The following HNMT variants were observed in gnomAD, a reference collection of about 807,000 sequenced individuals.
HNMT encodes histamine N-methyltransferase.
Under a neutral mutation model 32.1 loss-of-function variants are expected in HNMT, and 30 were observed. The observed-to-expected ratio is 0.93, with a 90% CI of 0.70 to 1.27. HNMT has a LOEUF of 1.27. HNMT is among the 50% of genes most tolerant of loss of function. The pLI, the probability that HNMT is intolerant of heterozygous loss-of-function variation, is 0.00. For synonymous variants in HNMT, 125 were observed against 119.0 expected, an observed-to-expected ratio of 1.05 and a Z score of -0.33; for missense variants, 327 against 346.0, an observed-to-expected ratio of 0.95 and a Z score of 0.43.
At chr2:138,011,225 T>C (rs1681494009) in intron 5 of HNMT, among the ~76,000 whole-genome samples, 1 of 152,252 alleles carries the variant, frequency 6.6e-6, no homozygotes, top group South Asian at 2.1e-4. Context: ...ATAATAATGA[T>C]GATAACAGAG....
intron 2 of HNMT, among the ~76,000 whole-genome samples, chr2:137,995,874 C>CA (rs1171695248): frequency 1.3e-5 from 2 of 151,992 alleles, no homozygotes; most frequent in Non-Finnish European, 2.9e-5. Flanking sequence ...ATACACAAAT[C>CA]AAAAAACATA....
At position 138,005,210 on chromosome 2, in the gene HNMT, A is replaced by G. The variant is rs765317351; in HGVS notation, c.508A>G (p.Ile170Val). 40 of 1,586,824 alleles carry G rather than the reference A, an allele frequency of 2.5e-5. No individual in the cohort carries two copies. The South Asian group carries it at 4.0e-4, about 16-fold the overall frequency. ...SLLGTNAKML[I>V]IVVSGSSGWD... The stretch of plus-strand genomic sequence containing the variant: ...CTTAGGTACCAATGCTAAGATGCTC[A>G]TTATTGTTGTGTCAGGTAAGTTATT... Residue 170 changes from isoleucine to valine, a missense_variant, in exon 5 of 6, where the codon ATT (isoleucine) becomes GTT (valine). Ile to Val is a conservative substitution (Grantham distance 29, BLOSUM62 3). Transcript: ENST00000280097.
intron 2 of HNMT, among the ~76,000 whole-genome samples, chr2:137,982,286 G>A (rs764797388): frequency 1.2e-4 from 19 of 152,182 alleles, no homozygotes; most frequent in Non-Finnish European, 2.2e-4. Flanking sequence ...TGGAAAATGA[G>A]ACACTGCTTT....
At chr2:137,981,180 C>T in intron 2 of HNMT, 2 of 1,597,176 alleles carry the variant, frequency 1.3e-6, no homozygotes, top group Non-Finnish European at 1.7e-6. Context: ...GGAGATATGG[C>T]CACAGTCTTT....
At chr2:137,993,374 C>A (rs1030023371) in intron 2 of HNMT, among the ~76,000 whole-genome samples, 3 of 152,080 alleles carry the variant, frequency 2.0e-5, no homozygotes, top group Non-Finnish European at 4.4e-5. Flanking sequence ...CATGTTGGAG[C>A]TGAAAAACAC....
At chr2:137,988,900 A>G (rs906278260) in intron 2 of HNMT, among the ~76,000 whole-genome samples, 1 of 152,150 alleles carries the variant, frequency 6.6e-6, no homozygotes, top group African/African-American at 2.4e-5. Flanking sequence ...TATTTTTGTC[A>G]TTGTTGTTTT....
At chr2:137,992,683 T>G (rs979145768) in intron 2 of HNMT, among the ~76,000 whole-genome samples, 2 of 152,112 alleles carry the variant, frequency 1.3e-5, no homozygotes, top group African/African-American at 4.8e-5. Context: ...TCCCCGCAAG[T>G]GAGGCACTGT....
At chr2:137,973,748 T>G (rs1006145500) in intron 2 of HNMT, among the ~76,000 whole-genome samples, 1 of 150,552 alleles carries the variant, frequency 6.6e-6, no homozygotes, top group African/African-American at 2.4e-5. Flanking sequence ...AAACTGCTAC[T>G]TTTATACCAC....
rs940617238 is a variant in HNMT, at chr2:138,003,171, A to T, written c.429+977A>T. Among the ~76,000 whole-genome samples, 3 of 151,062 alleles carry T rather than the reference A, an allele frequency of 2.0e-5. No individual in the cohort carries two copies. The East Asian group carries it at 5.9e-4, about 30-fold the overall frequency. Reference sequence around the variant, plus strand: ...AGTGGGTGCAGCGCACCAGCATGGCACATGTATACATATGTAACTAACCTG... The same window carrying T: ...AGTGGGTGCAGCGCACCAGCATGGCTCATGTATACATATGTAACTAACCTG... On this transcript the variant is annotated intron_variant, in intron 4 of 5. Transcript: ENST00000280097.
intron 2 of HNMT, chr2:137,981,597 GC>G: frequency 1.9e-6 from 1 of 537,626 alleles, no homozygotes; most frequent in Non-Finnish European, 3.3e-6. Context: ...TTTAGTGGGT[GC>G]TCAATAATAT....
intron 2 of HNMT, among the ~76,000 whole-genome samples, chr2:137,974,852 C>T (rs1680241308): frequency 6.6e-6 from 1 of 152,150 alleles, no homozygotes; most frequent in African/African-American, 2.4e-5. Flanking sequence ...TATCAACCCT[C>T]ATAATATTTT....
intron 2 of HNMT, chr2:137,981,230 G>C (rs1222639863): frequency 6.2e-7 from 1 of 1,613,134 alleles, no homozygotes; most frequent in Non-Finnish European, 8.5e-7. Context: ...TCTCATTCGG[G>C]GAAGCTCCAG....
At chr2:137,994,696 C>A (rs1227271407) in intron 2 of HNMT, among the ~76,000 whole-genome samples, 1 of 152,196 alleles carries the variant, frequency 6.6e-6, no homozygotes, top group East Asian at 1.9e-4. Flanking sequence ...AACCTCTGTA[C>A]CCCAAATCAA....
chr2:137,976,338 A>C (rs955036571), intron 2 of HNMT, among the ~76,000 whole-genome samples: 4 of 152,118 alleles, frequency 2.6e-5, no homozygotes, highest in African/African-American at 9.7e-5. Context: ...GGGAGATAAA[A>C]AGTCATTCTA....
chr2:137,980,614 A>C (rs541778147), intron 2 of HNMT, among the ~76,000 whole-genome samples: 1 of 152,268 alleles, frequency 6.6e-6, no homozygotes, highest in South Asian at 2.1e-4. Flanking sequence ...TGTTTTGTAG[A>C]ACATTTTGGT....
At chr2:137,978,911 A>G (rs1680390144) in intron 2 of HNMT, among the ~76,000 whole-genome samples, 1 of 140,122 alleles carries the variant, frequency 7.1e-6, no homozygotes, top group Non-Finnish European at 1.5e-5. Flanking sequence ...TCCATATTAC[A>G]TAATTATAAT....
At chr2:137,967,999 C>T (rs1214414945) in intron 1 of HNMT, among the ~76,000 whole-genome samples, 1 of 152,094 alleles carries the variant, frequency 6.6e-6, no homozygotes, top group Non-Finnish European at 1.5e-5. Context: ...TTGTGTAAGT[C>T]AGGGCAGGGT....
At chr2:137,986,132 T>C (rs1325839396) in intron 2 of HNMT, among the ~76,000 whole-genome samples, 1 of 151,864 alleles carries the variant, frequency 6.6e-6, no homozygotes, top group African/African-American at 2.4e-5. Flanking sequence ...GTTTTATATA[T>C]GTTGATAAAT....
rs148179523 is a variant in HNMT, at chr2:138,016,113, C to T, written c.*1983C>T. 954 of 152,196 alleles carry T rather than the reference C, an allele frequency of 6.3e-3. 10 individuals carry two copies. Among genetic ancestry groups the T allele is most frequent in the African/African-American group, 0.021 (885 of 41,538 alleles). The allele number at this position is 152,196 out of a possible 1,614,324, so 9.4% of individuals were successfully genotyped here. Reference sequence around the variant, plus strand: ...AAAATTTGGGACAGTCACATACTAACTTTTCAGATTTGTTCTTGTGTTTCA... The same window carrying T: ...AAAATTTGGGACAGTCACATACTAATTTTTCAGATTTGTTCTTGTGTTTCA... On this transcript the variant is annotated 3_prime_UTR_variant, in exon 6 of 6. Coordinates refer to ENST00000280097, the MANE Select transcript of HNMT (RefSeq NM_006895.3).
Sources: allele counts gnomAD v4.1 joint callset (sites outside exome capture counted in the v4.1 genomes callset), GRCh38; gene constraint gnomAD v4.1.1; transcripts MANE v1.5; gene names NCBI Gene and HGNC (gene_info 2026-07-23, HGNC 2026-07-21).